CDH2: variants seen among roughly 807,000 people sequenced by gnomAD.
The protein encoded by CDH2 is cadherin 2, also known as cadherin-2.
CDH2 carries 17 observed loss-of-function variants against 92.0 expected under a neutral mutation model. The observed-to-expected ratio is 0.18, with a 90% CI of 0.13 to 0.28. The LOEUF (loss-of-function observed/expected upper bound fraction) is 0.28. CDH2 is among the 10% of genes least tolerant of loss of function. The pLI, the probability that CDH2 is intolerant of heterozygous loss-of-function variation, is 1.00. For missense variants in CDH2, 862 were observed against 1,133.1 expected (o/e 0.76, Z 3.44); for synonymous variants, 419 against 415.9 (o/e 1.01, Z -0.09).
intron 2 of CDH2, among the ~76,000 whole-genome samples, chr18:28,018,870 C>T (rs529481055): frequency 4.1e-5 from 5 of 122,998 alleles, no homozygotes; most frequent in East Asian, 2.3e-4. Context: ...CTTGCACACA[C>T]GTTTATATAT....
chr18:27,963,263 T>C (rs2011454876), intron 15 of CDH2, 94 bp downstream of exon 15: 14 of 1,126,836 alleles, frequency 1.2e-5, no homozygotes, highest in Non-Finnish European at 1.6e-5. Flanking sequence ...TAGTGAACTA[T>C]ATAGCTGTAT....
chr18:27,958,906 T>C (rs140649590), intron 15 of CDH2, among the ~76,000 whole-genome samples: 1 of 152,186 alleles, frequency 6.6e-6, no homozygotes, highest in Non-Finnish European at 1.5e-5. Context: ...AAGAATGTGT[T>C]TGCCTTCCCT....
intron 6 of CDH2, among the ~76,000 whole-genome samples, chr18:27,940,653 A>G (rs1294601111): frequency 6.6e-6 from 1 of 152,184 alleles, no homozygotes; most frequent in Non-Finnish European, 1.5e-5. Flanking sequence ...CAAGGTCACT[A>G]CATGATTTAT....
At chr18:28,066,882 C>T (rs948386055) in intron 2 of CDH2, among the ~76,000 whole-genome samples, 4 of 151,928 alleles carry the variant, frequency 2.6e-5, no homozygotes, top group African/African-American at 4.8e-5. Context: ...AGATAAAAAC[C>T]GAAAGTAAAT....
At chr18:28,049,772 G>A (rs905129707) in intron 2 of CDH2, among the ~76,000 whole-genome samples, 7 of 152,162 alleles carry the variant, frequency 4.6e-5, no homozygotes, top group South Asian at 2.1e-4. Flanking sequence ...AATTTAACCC[G>A]TATGCAACTA....
At chr18:27,971,455 T>C (rs561632538) in intron 14 of CDH2, among the ~76,000 whole-genome samples, 2 of 152,212 alleles carry the variant, frequency 1.3e-5, no homozygotes, top group Admixed American at 1.3e-4. Flanking sequence ...AATATTAAGA[T>C]GACTTATCTA....
chr18:27,953,624 G>A (rs1028186173), intron 15 of CDH2, among the ~76,000 whole-genome samples: 19 of 143,598 alleles, frequency 1.3e-4, no homozygotes, highest in Middle Eastern at 7.1e-3. Context: ...AGGTTACAAA[G>A]GAGAAACAGG....
At chr18:27,957,295 C>CTG (rs1190487857) in intron 15 of CDH2, among the ~76,000 whole-genome samples, 2 of 152,064 alleles carry the variant, frequency 1.3e-5, no homozygotes, top group African/African-American at 4.8e-5. Context: ...GTACTCCAGA[C>CTG]TGTAGTGCAG....
intron 2 of CDH2, among the ~76,000 whole-genome samples, chr18:28,053,818 G>A (rs191182367): frequency 6.6e-6 from 1 of 152,234 alleles, no homozygotes; most frequent in East Asian, 1.9e-4. Context: ...GGACATTGAT[G>A]GTGAATCCAA....
chr18:27,999,728 G>GTA (rs1187909225), intron 7 of CDH2, among the ~76,000 whole-genome samples: 88 of 150,906 alleles, frequency 5.8e-4, no homozygotes, highest in African/African-American at 1.9e-3. Flanking sequence ...GTGTGTTTGT[G>GTA]TATATATATA....
chr18:28,022,897 T>C (rs1432367182), intron 2 of CDH2, among the ~76,000 whole-genome samples: 1 of 152,132 alleles, frequency 6.6e-6, no homozygotes, highest in Non-Finnish European at 1.5e-5. Context: ...GCCTTTGCAA[T>C]TTTCAATTAA....
intron 5 of CDH2, among the ~76,000 whole-genome samples, chr18:28,008,682 C>T: frequency 6.6e-6 from 1 of 151,104 alleles, no homozygotes; most frequent in East Asian, 2.0e-4. Flanking sequence ...CAACATGGCA[C>T]ATGTATACAT....
At chr18:28,045,478 G>C in intron 2 of CDH2, 1 of 462,336 alleles carries the variant, frequency 2.2e-6, no homozygotes, top group African/African-American at 2.0e-5. Flanking sequence ...TCTCATCATG[G>C]TCTTGTAAAT....
At chr18:28,172,042 CAT>C (rs899725969) in intron 1 of CDH2, among the ~76,000 whole-genome samples, 6 of 151,648 alleles carry the variant, frequency 4.0e-5, no homozygotes, top group African/African-American at 1.5e-4. Flanking sequence ...GCAGGAGACT[CAT>C]ATGTATATAG....
At chr18:28,019,259 C>A (rs2013340575) in intron 2 of CDH2, among the ~76,000 whole-genome samples, 1 of 150,974 alleles carries the variant, frequency 6.6e-6, no homozygotes, top group Admixed American at 6.6e-5. Context: ...ATTCATGGAA[C>A]CAAACACCAC....
At chr18:28,058,659 T>G (rs1447791187) in intron 2 of CDH2, among the ~76,000 whole-genome samples, 2 of 152,218 alleles carry the variant, frequency 1.3e-5, no homozygotes, top group African/African-American at 4.8e-5. Flanking sequence ...ATAACCAGTA[T>G]GAAATGTCGG....
At chr18:27,967,646 C>A (rs1476099898) in intron 14 of CDH2, among the ~76,000 whole-genome samples, 2 of 152,258 alleles carry the variant, frequency 1.3e-5, no homozygotes, top group Non-Finnish European at 2.9e-5. Flanking sequence ...TTTTTTACTT[C>A]ATTTTAATGT....
intron 3 of CDH2, 40 bp from the exon 4 acceptor site, chr18:28,012,032 A>C: frequency 6.4e-7 from 1 of 1,551,102 alleles, no homozygotes; most frequent in Non-Finnish European, 8.8e-7. Context: ...GTACTAGGAA[A>C]CACATTTTCT....
chr18:28,133,644 T>C (rs1417582495), intron 2 of CDH2, among the ~76,000 whole-genome samples: 1 of 151,718 alleles, frequency 6.6e-6, no homozygotes, highest in Non-Finnish European at 1.5e-5. Flanking sequence ...ATAAAATCTA[T>C]TGTCATTATA....
Sources: allele counts gnomAD v4.1 joint callset (sites outside exome capture counted in the v4.1 genomes callset), GRCh38; gene constraint gnomAD v4.1.1; transcripts MANE v1.5; gene names NCBI Gene and HGNC (gene_info 2026-07-23, HGNC 2026-07-21).